ACACA: variants seen among roughly 807,000 people sequenced by gnomAD.
ACACA encodes acetyl-CoA carboxylase 1.
In ACACA, 103 loss-of-function variants were observed where a neutral mutation model predicts 296.1. That is an observed-to-expected ratio of 0.35 (90% confidence interval 0.30 to 0.41). The LOEUF is 0.41. Among genes scored for constraint, ACACA ranks in the 10% least tolerant of loss-of-function variants. The pLI is 1.00. For synonymous variants in ACACA, 953 were observed against 1,038.6 expected, an observed-to-expected ratio of 0.92 and a Z score of 1.58; for missense variants, 1,554 against 2,989.7, an observed-to-expected ratio of 0.52 and a Z score of 11.20.
intron 55 of ACACA, 130 bp downstream of exon 55, chr17:37,088,808 G>A: frequency 1.6e-6 from 2 of 1,261,912 alleles, no homozygotes; most frequent in South Asian, 2.4e-5. Flanking sequence ...GTCAACTACA[G>A]CTGTCTCAAA....
chr17:37,364,678 G>A (rs936466569), intron 1 of ACACA, among the ~76,000 whole-genome samples: 2 of 151,842 alleles, frequency 1.3e-5, no homozygotes, highest in South Asian at 2.1e-4. Context: ...ATCCAAATTC[G>A]TAGATAACAA....
chr17:37,089,209 G>A (rs1226165126), intron 54 of ACACA, 135 bp from the exon 55 acceptor site: 12 of 1,331,018 alleles, frequency 9.0e-6, no homozygotes, highest in Admixed American at 3.5e-5. Flanking sequence ...TGTCAGCATC[G>A]TGCAGGAGGA....
At chr17:37,250,055 C>T (rs993010120) in intron 16 of ACACA, among the ~76,000 whole-genome samples, 5 of 152,220 alleles carry the variant, frequency 3.3e-5, no homozygotes, top group Non-Finnish European at 7.3e-5. Context: ...GATTGTGAGG[C>T]CTCCCCAGCC....
At chr17:37,165,766 C>T (rs968858073) in intron 41 of ACACA, among the ~76,000 whole-genome samples, 8 of 151,872 alleles carry the variant, frequency 5.3e-5, no homozygotes, top group Admixed American at 2.0e-4. Flanking sequence ...CCTTCAACTC[C>T]TGGGCTCAAG....
At chr17:37,235,176 T>C in intron 24 of ACACA, 77 bp from the exon 25 acceptor site, 1 of 1,557,186 alleles carries the variant, frequency 6.4e-7, no homozygotes, top group Non-Finnish European at 8.8e-7. Context: ...TTGTACTGTC[T>C]ATAATTTATG....
At chr17:37,391,614 T>C (rs2050890044) in intron 1 of ACACA, 1 of 1,597,042 alleles carries the variant, frequency 6.3e-7, no homozygotes, top group South Asian at 1.1e-5. Flanking sequence ...CTTGCATCCT[T>C]TTTTAACTTT....
At chr17:37,299,165 C>T (rs1196525352) in intron 3 of ACACA, 1 of 1,133,556 alleles carries the variant, frequency 8.8e-7, no homozygotes, top group Non-Finnish European at 1.3e-6. Flanking sequence ...AAATAGCCTT[C>T]ATTTTTTAAA....
chr17:37,205,966 A>T, intron 32 of ACACA, 94 bp from the exon 33 acceptor site: 1 of 1,070,798 alleles, frequency 9.3e-7, no homozygotes, highest in African/African-American at 1.6e-5. Context: ...CCTGAAAAAG[A>T]GATACACCCC....
intron 47 of ACACA, among the ~76,000 whole-genome samples, chr17:37,128,151 G>C (rs1011880312): frequency 6.6e-6 from 1 of 150,620 alleles, no homozygotes; most frequent in Non-Finnish European, 1.5e-5. Flanking sequence ...GAAGACAACA[G>C]GTAAAGTTAT....
intron 1 of ACACA, among the ~76,000 whole-genome samples, chr17:37,350,198 G>C (rs2048832528): frequency 6.6e-6 from 1 of 152,080 alleles, no homozygotes; most frequent in Admixed American, 6.6e-5. Context: ...AGGCATAATG[G>C]CACGTGCCTA....
intron 47 of ACACA, among the ~76,000 whole-genome samples, chr17:37,128,844 A>G (rs1470380546): frequency 6.6e-6 from 1 of 152,226 alleles, no homozygotes; most frequent in Non-Finnish European, 1.5e-5. Flanking sequence ...TACTTACTAA[A>G]GCAAGTACCA....
At chr17:37,327,068 T>G (rs138786011) in intron 3 of ACACA, among the ~76,000 whole-genome samples, 2 of 152,296 alleles carry the variant, frequency 1.3e-5, no homozygotes, top group East Asian at 3.9e-4. Context: ...CTCCTAGGAA[T>G]GTACCTGCCC....
chr17:37,302,485 C>A (rs2083671884), intron 3 of ACACA, among the ~76,000 whole-genome samples: 1 of 152,022 alleles, frequency 6.6e-6, no homozygotes, highest in African/African-American at 2.4e-5. Flanking sequence ...GCTGGGATTA[C>A]AGGCGTGAGC....
intron 3 of ACACA, among the ~76,000 whole-genome samples, chr17:37,325,769 T>C (rs1235625879): frequency 6.6e-6 from 1 of 151,752 alleles, no homozygotes; most frequent in Non-Finnish European, 1.5e-5. Context: ...AGATGGGGTT[T>C]CTCCATGTTG....
intron 42 of ACACA, among the ~76,000 whole-genome samples, chr17:37,158,632 A>C (rs533859398): frequency 6.6e-6 from 1 of 152,134 alleles, no homozygotes; most frequent in Non-Finnish European, 1.5e-5. Context: ...CCTGTCTCAA[A>C]AAAACAAAAC....
intron 41 of ACACA, among the ~76,000 whole-genome samples, chr17:37,170,577 C>T (rs963825668): frequency 3.3e-5 from 5 of 152,120 alleles, no homozygotes; most frequent in African/African-American, 9.7e-5. Flanking sequence ...GTCATTTTCT[C>T]GCTGAGTAAC....
At chr17:37,231,424 T>A (rs1598261943) in intron 25 of ACACA, among the ~76,000 whole-genome samples, 1 of 152,234 alleles carries the variant, frequency 6.6e-6, no homozygotes, top group East Asian at 1.9e-4. Flanking sequence ...TAGTCATATC[T>A]GCACTTTTTG....
intron 1 of ACACA, chr17:37,359,073 C>A (rs1340286520): frequency 1.0e-6 from 1 of 985,826 alleles, no homozygotes; most frequent in Admixed American, 6.1e-5. Flanking sequence ...GGAGGAGACG[C>A]CGGCGGCTCG....
intron 45 of ACACA, among the ~76,000 whole-genome samples, chr17:37,147,209 A>G (rs935412570): frequency 4.6e-5 from 7 of 152,204 alleles, no homozygotes; most frequent in African/African-American, 1.7e-4. Context: ...TTACACAGGT[A>G]CATACTATGA....
Sources: gnomAD v4.1 joint callset for allele counts (sites outside exome capture counted in the v4.1 genomes callset) on GRCh38, gnomAD v4.1.1 for gene constraint, MANE v1.5 for transcripts, NCBI Gene and HGNC (gene_info 2026-07-23, HGNC 2026-07-21) for gene names.